CNTN5: variants seen among roughly 807,000 people sequenced by gnomAD.
CNTN5 encodes the protein contactin 5.
In CNTN5, 77 loss-of-function variants were observed where a neutral mutation model predicts 129.1. The observed-to-expected ratio is 0.60, with a 90% CI of 0.50 to 0.72. The LOEUF is 0.72. Ranked by LOEUF, CNTN5 falls within the 30% of genes least tolerant of loss-of-function variation. The pLI is 0.00. For missense variants in CNTN5, 1,478 were observed against 1,328.8 expected (o/e 1.11, Z -1.75); for synonymous variants, 509 against 465.6 (o/e 1.09, Z -1.20).
At chr11:99,200,795 A>G (rs1859131875) in intron 1 of CNTN5, among the ~76,000 whole-genome samples, 1 of 152,150 alleles carries the variant, frequency 6.6e-6, no homozygotes, top group African/African-American at 2.4e-5. Flanking sequence ...GATCCCAAAC[A>G]GAATTGAACC....
chr11:99,631,464 T>C (rs1347104078), intron 3 of CNTN5, among the ~76,000 whole-genome samples: 1 of 151,960 alleles, frequency 6.6e-6, no homozygotes, highest in East Asian at 1.9e-4. Flanking sequence ...TATAAAAACA[T>C]TATTGAAAAT....
chr11:100,043,560 C>A (rs1009363598), intron 9 of CNTN5, among the ~76,000 whole-genome samples: 3 of 152,142 alleles, frequency 2.0e-5, no homozygotes, highest in African/African-American at 7.2e-5. Flanking sequence ...CAGTTGCTTT[C>A]TTATGCCCAT....
intron 1 of CNTN5, among the ~76,000 whole-genome samples, chr11:99,318,924 T>C (rs1202547385): frequency 6.6e-6 from 1 of 152,222 alleles, no homozygotes; most frequent in Non-Finnish European, 1.5e-5. Flanking sequence ...AGGTTTGGTA[T>C]TAATTGAAAA....
chr11:99,519,865 A>T (rs1437410668), intron 2 of CNTN5, among the ~76,000 whole-genome samples: 2 of 152,124 alleles, frequency 1.3e-5, no homozygotes, highest in Non-Finnish European at 2.9e-5. Flanking sequence ...CCTGTCAGAG[A>T]CCATGCATTT....
chr11:99,813,496 T>G (rs1946492017), intron 3 of CNTN5, among the ~76,000 whole-genome samples: 1 of 152,164 alleles, frequency 6.6e-6, no homozygotes, highest in African/African-American at 2.4e-5. Flanking sequence ...GGTTTTTGTT[T>G]TGTTTTGTTT....
chr11:99,183,768 G>A (rs7926159), intron 1 of CNTN5, among the ~76,000 whole-genome samples: 139,018 of 152,070 alleles, frequency 0.91, 63,666 homozygotes, highest in East Asian at 1. Flanking sequence ...ACCTAACTGC[G>A]TAAACTCCAC....
intron 2 of CNTN5, among the ~76,000 whole-genome samples, chr11:99,431,112 TAG>T (rs1194073024): frequency 2.6e-5 from 4 of 151,732 alleles, no homozygotes; most frequent in African/African-American, 9.7e-5. Flanking sequence ...CCAAGTCAGG[TAG>T]AGTTGGTCAA....
chr11:99,490,106 T>A (rs1945977351), intron 2 of CNTN5, among the ~76,000 whole-genome samples: 1 of 152,292 alleles, frequency 6.6e-6, no homozygotes, highest in Middle Eastern at 3.4e-3. Context: ...TAAGTTTTAT[T>A]TCAAAAATGT....
At chr11:99,893,354 T>G (rs1479046388) in intron 6 of CNTN5, among the ~76,000 whole-genome samples, 1 of 152,200 alleles carries the variant, frequency 6.6e-6, no homozygotes, top group African/African-American at 2.4e-5. Flanking sequence ...AAATAATAGG[T>G]GGACAACTTG....
intron 7 of CNTN5, among the ~76,000 whole-genome samples, chr11:99,927,625 T>C (rs1048656065): frequency 1.3e-5 from 2 of 152,086 alleles, no homozygotes; most frequent in Non-Finnish European, 2.9e-5. Flanking sequence ...TTCAGATCTC[T>C]GGAGAACTTG....
intron 2 of CNTN5, among the ~76,000 whole-genome samples, chr11:99,361,507 G>A (rs1217252206): frequency 6.6e-6 from 1 of 152,072 alleles, no homozygotes; most frequent in African/African-American, 2.4e-5. Context: ...AACATAAAAT[G>A]TATCATTTTA....
intron 3 of CNTN5, among the ~76,000 whole-genome samples, chr11:99,797,314 T>C (rs1945975392): frequency 6.6e-6 from 1 of 152,170 alleles, no homozygotes; most frequent in African/African-American, 2.4e-5. Flanking sequence ...TTAAGTTATT[T>C]GAGAAATCTC....
chr11:99,056,918 TC>T (rs1864646479), intron 1 of CNTN5, among the ~76,000 whole-genome samples: 1 of 152,088 alleles, frequency 6.6e-6, no homozygotes, highest in Non-Finnish European at 1.5e-5. Flanking sequence ...ATGTAACTTT[TC>T]TTTTATTTGG....
At chr11:99,528,494 G>A (rs1299336905) in intron 2 of CNTN5, among the ~76,000 whole-genome samples, 1 of 152,132 alleles carries the variant, frequency 6.6e-6, no homozygotes, top group Non-Finnish European at 1.5e-5. Flanking sequence ...TGAGATTTTT[G>A]ACAAGATCTA....
chr11:100,080,613 A>G (rs992389660), intron 13 of CNTN5, among the ~76,000 whole-genome samples: 1 of 152,156 alleles, frequency 6.6e-6, no homozygotes, highest in Non-Finnish European at 1.5e-5. Flanking sequence ...AGAAGAATTC[A>G]TGGGTATAAT....
At chr11:99,301,928 G>C (rs1233847193) in intron 1 of CNTN5, among the ~76,000 whole-genome samples, 1 of 151,224 alleles carries the variant, frequency 6.6e-6, no homozygotes, top group Non-Finnish European at 1.5e-5. Flanking sequence ...AGAGAAGAGA[G>C]TTTTAAAAAT....
At chr11:99,658,682 A>G (rs7933017) in intron 3 of CNTN5, among the ~76,000 whole-genome samples, 44,915 of 146,150 alleles carry the variant, frequency 0.31, 7,010 homozygotes, top group Admixed American at 0.44. Context: ...GAACAGCCTG[A>G]CAAACATAGT....
chr11:99,339,598 T>C (rs147300098), intron 2 of CNTN5, among the ~76,000 whole-genome samples: 8,920 of 151,798 alleles, frequency 0.059, 306 homozygotes, highest in South Asian at 0.1. Flanking sequence ...GCTAACACAG[T>C]GAAACCCCGT....
chr11:99,150,264 T>C (rs1859988286), intron 1 of CNTN5, among the ~76,000 whole-genome samples: 1 of 152,072 alleles, frequency 6.6e-6, no homozygotes, highest in East Asian at 1.9e-4. Flanking sequence ...TCACAGCTCA[T>C]TTGAAATCAT....
Sources: gnomAD v4.1 joint callset for allele counts (sites outside exome capture counted in the v4.1 genomes callset) on GRCh38, gnomAD v4.1.1 for gene constraint, MANE v1.5 for transcripts, NCBI Gene and HGNC (gene_info 2026-07-23, HGNC 2026-07-21) for gene names.